TRIT1: variants seen among roughly 807,000 people sequenced by gnomAD.
The protein encoded by TRIT1 is tRNA isopentenyltransferase 1.
Under a neutral mutation model 51.2 loss-of-function variants are expected in TRIT1, and 43 were observed. The ratio of observed to expected loss-of-function variants is 0.84; its 90% CI spans 0.66 to 1.08. The LOEUF (loss-of-function observed/expected upper bound fraction) is 1.08. Among genes scored for constraint, TRIT1 ranks in the 50% least tolerant of loss-of-function variants. The pLI is 0.00. For synonymous variants in TRIT1, 184 were observed against 203.9 expected, an observed-to-expected ratio of 0.90 and a Z score of 0.83; for missense variants, 528 against 578.4, an observed-to-expected ratio of 0.91 and a Z score of 0.89.
rs1027239623 is a variant in TRIT1, at chr1:39,840,155, G to A, written c.*1589C>T. On this transcript the variant is annotated 3_prime_UTR_variant, in exon 11 of 11. Coordinates refer to ENST00000316891, the MANE Select transcript of TRIT1 (RefSeq NM_017646.6). Reference sequence around the variant, plus strand: ...ACGACTTGGCACTGCTTGGCTCACAGTAAGTACTCATCTCCACTCCCACCG... The same window carrying A: ...ACGACTTGGCACTGCTTGGCTCACAATAAGTACTCATCTCCACTCCCACCG... Among the ~76,000 whole-genome samples, 1 of 152,150 alleles carries A rather than the reference G, an allele frequency of 6.6e-6. No homozygotes were observed. The highest frequency in any genetic ancestry group is 1.5e-5 in the Non-Finnish European group (1 of 68,020).
intron 1 of TRIT1, among the ~76,000 whole-genome samples, chr1:39,875,243 C>T (rs1043428194): frequency 4.6e-5 from 7 of 151,910 alleles, no homozygotes; most frequent in African/African-American, 1.7e-4. Context: ...TAATTCCAAC[C>T]CTTTGGGAGC....
At chr1:39,875,900 G>A (rs537410913) in intron 1 of TRIT1, among the ~76,000 whole-genome samples, 3 of 152,156 alleles carry the variant, frequency 2.0e-5, no homozygotes, top group African/African-American at 7.2e-5. Flanking sequence ...AAAAGGCTAC[G>A]GTAAGGATAT....
intron 1 of TRIT1, among the ~76,000 whole-genome samples, chr1:39,858,696 T>C (rs1298746314): frequency 6.6e-6 from 1 of 152,090 alleles, no homozygotes; most frequent in African/African-American, 2.4e-5. Context: ...TAAGCTATCT[T>C]CAATGAAATA....
intron 1 of TRIT1, among the ~76,000 whole-genome samples, chr1:39,871,851 C>T (rs190411408): frequency 1.3e-5 from 2 of 152,056 alleles, no homozygotes; most frequent in East Asian, 3.9e-4. Context: ...CTGTCAAAAC[C>T]CATAGAACTA....
chr1:39,846,357 T>C (rs1458602828), intron 8 of TRIT1, among the ~76,000 whole-genome samples: 1 of 152,054 alleles, frequency 6.6e-6, no homozygotes, highest in East Asian at 1.9e-4. Flanking sequence ...AAACACAAGA[T>C]GATTCAGAAG....
chr1:39,863,502 C>T (rs1021451481), intron 1 of TRIT1, among the ~76,000 whole-genome samples: 1 of 151,918 alleles, frequency 6.6e-6, no homozygotes, highest in African/African-American at 2.4e-5. Flanking sequence ...AAGTTAGACA[C>T]AAATAGCTGT....
intron 2 of TRIT1, among the ~76,000 whole-genome samples, chr1:39,855,939 A>G (rs565366092): frequency 1.4e-3 from 211 of 152,122 alleles, no homozygotes; most frequent in African/African-American, 4.9e-3. Context: ...GCACTTTGGG[A>G]GGCCGAGGCA....
At chr1:39,869,457 C>T (rs1643749613) in intron 1 of TRIT1, among the ~76,000 whole-genome samples, 2 of 152,220 alleles carry the variant, frequency 1.3e-5, no homozygotes, top group African/African-American at 2.4e-5. Flanking sequence ...TCGCTACAAC[C>T]TCCACCTCCC....
Position 39,883,470 on chromosome 1 carries a change from G to A in TRIT1, c.22C>T (p.Arg8Ter), listed in dbSNP as rs184469579. 535 of 1,595,902 alleles carry A rather than the reference G, an allele frequency of 3.4e-4. No individual in the cohort carries two copies. The highest frequency in any genetic ancestry group is 3.9e-4 in the Non-Finnish European group (452 of 1,166,040). ...AGCCCACTGCCCACGGGAACTGCTCGTGCAGCCGCCACGGACGCCATCTTA... is the reference window on the plus strand; with the variant it reads ...AGCCCACTGCCCACGGGAACTGCTCATGCAGCCGCCACGGACGCCATCTTA... MASVAAA[R>*]AVPVGSGLRG... The change falls in exon 1 of 11, where the codon CGA (arginine) becomes TGA (stop). Residue 8 changes from arginine to a stop codon, truncating the protein, a stop_gained. Transcript: ENST00000316891. LOFTEE classifies it high-confidence loss of function.
At chr1:39,843,437 T>C (rs757378300) in intron 10 of TRIT1, among the ~76,000 whole-genome samples, 1 of 152,190 alleles carries the variant, frequency 6.6e-6, no homozygotes, top group Non-Finnish European at 1.5e-5. Flanking sequence ...GTGTGCAGTG[T>C]GACTCTGTGG....
intron 1 of TRIT1, among the ~76,000 whole-genome samples, chr1:39,872,800 G>C (rs12135296): frequency 8.7e-6 from 1 of 114,412 alleles, no homozygotes; most frequent in African/African-American, 3.7e-5. Context: ...GAGAAAGAGA[G>C]AGAAAGGAAG....
chr1:39,882,506 C>G (rs1289548885), intron 1 of TRIT1, among the ~76,000 whole-genome samples: 1 of 152,250 alleles, frequency 6.6e-6, no homozygotes, highest in Non-Finnish European at 1.5e-5. Context: ...ACTACCCACT[C>G]TTAATGGAGC....
chr1:39,838,373 C>T lies in TRIT1; in HGVS notation c.*3371G>A, dbSNP rs2124561122. Among the ~76,000 whole-genome samples, 1 of 152,314 alleles carries T rather than the reference C, an allele frequency of 6.6e-6. No homozygotes were observed. Among genetic ancestry groups the T allele is most frequent in the Admixed American group, 6.5e-5 (1 of 15,302 alleles). On this transcript the variant is annotated 3_prime_UTR_variant, in exon 11 of 11. Transcript: ENST00000316891. ...TTATGCTTTCATGCAATTGATTCAA[C>T]AAATATTTGACTGTGTCTAGGTGCT...
intron 10 of TRIT1, among the ~76,000 whole-genome samples, chr1:39,842,565 C>G (rs1641973036): frequency 6.6e-6 from 1 of 152,106 alleles, no homozygotes; most frequent in Non-Finnish European, 1.5e-5. Flanking sequence ...TTCTGAGGGT[C>G]CAAGAAGGAA....
intron 1 of TRIT1, among the ~76,000 whole-genome samples, chr1:39,872,189 G>T (rs540557242): frequency 1.3e-5 from 2 of 151,108 alleles, no homozygotes; most frequent in African/African-American, 4.9e-5. Context: ...TGGATTAGAG[G>T]TGTGAACCAC....
chr1:39,847,433 C>A, intron 7 of TRIT1, 115 bp downstream of exon 7: 1 of 1,447,422 alleles, frequency 6.9e-7, no homozygotes, highest in Non-Finnish European at 9.7e-7. Context: ...AATCTCAGTT[C>A]TGAGCTGAAG....
Position 39,852,728 on chromosome 1 carries a change from T to C in TRIT1, c.560+3A>G. The C allele has an allele frequency of 6.2e-7, 1 of 1,613,510 alleles. No homozygotes were observed. Among genetic ancestry groups the C allele is most frequent in the Non-Finnish European group, 8.5e-7 (1 of 1,179,724 alleles). The stretch of plus-strand genomic sequence containing the variant: ...TTGGGGTCAGCGCGCCAGGCTTTCT[T>C]ACCTGGCCACTTTGCGTTTGTCATG... On this transcript the variant is annotated splice_donor_region_variant and intron_variant, in intron 4 of 10. Transcript: ENST00000316891.
intron 5 of TRIT1, among the ~76,000 whole-genome samples, chr1:39,848,695 C>T (rs537680242): frequency 4.0e-4 from 61 of 151,652 alleles, no homozygotes; most frequent in African/African-American, 1.3e-3. Flanking sequence ...TAGTGGCGCG[C>T]GCCTGTAATC....
chr1:39,882,081 T>C (rs1301868526), intron 1 of TRIT1, among the ~76,000 whole-genome samples: 1 of 152,220 alleles, frequency 6.6e-6, no homozygotes, highest in Non-Finnish European at 1.5e-5. Flanking sequence ...TAATGTTGTG[T>C]TATTGATATT....
Sources: gnomAD v4.1 joint callset for allele counts (sites outside exome capture counted in the v4.1 genomes callset) on GRCh38, gnomAD v4.1.1 for gene constraint, MANE v1.5 for transcripts, NCBI Gene and HGNC (gene_info 2026-07-23, HGNC 2026-07-21) for gene names.